The following VPS26B variants were observed in gnomAD, a reference collection of about 807,000 sequenced individuals.
The protein encoded by VPS26B is VPS26 retromer complex component B.
In VPS26B, 10 loss-of-function variants were observed where a neutral mutation model predicts 33.3. The ratio of observed to expected loss-of-function variants is 0.30; its 90% CI spans 0.19 to 0.51. The LOEUF (loss-of-function observed/expected upper bound fraction) is 0.51, where lower values mean the gene tolerates loss of function less well. Among genes scored for constraint, VPS26B ranks in the 20% least tolerant of loss-of-function variants. The probability of loss-of-function intolerance (pLI) is 0.98; values close to 1 mark genes in which losing one functional copy is unlikely to be tolerated. For missense variants in VPS26B, 317 were observed against 452.7 expected, an observed-to-expected ratio of 0.70 and a Z score of 2.72; for synonymous variants, 190 against 176.9, an observed-to-expected ratio of 1.07 and a Z score of -0.59.
At chr11:134,225,597 G>A (rs118093144) in intron 1 of VPS26B, 173 of 520,712 alleles carry the variant, frequency 3.3e-4, no homozygotes, top group Non-Finnish European at 5.0e-4. Flanking sequence ...GCTGTGCCTC[G>A]TGGGATGGGC....
intron 3 of VPS26B, among the ~76,000 whole-genome samples, chr11:134,242,205 T>C (rs1938737213): frequency 6.6e-6 from 1 of 152,186 alleles, no homozygotes; most frequent in Non-Finnish European, 1.5e-5. Context: ...TTGCTGAGGC[T>C]GTTTGCTCAG....
rs146174016 is a variant in VPS26B, at chr11:134,226,282, G to T, written c.223+937G>T. Among the ~76,000 whole-genome samples, 658 of 152,156 alleles carry T rather than the reference G, an allele frequency of 4.3e-3. 4 individuals are homozygous for T. The highest frequency in any genetic ancestry group is 0.015 in the African/African-American group (631 of 41,504). On this transcript the variant is annotated intron_variant, in intron 1 of 5. Coordinates refer to ENST00000281187, the MANE Select transcript of VPS26B (RefSeq NM_052875.5). ...TTAGCTGGTCGTGGTGGTGCTTGCC[G>T]GTAGTCCTAGCTCCTCGGGGGGCTA...
rs575706847 is a variant in VPS26B, at chr11:134,238,645, G to A, written c.381-1346G>A. Among the ~76,000 whole-genome samples the A allele has an allele frequency of 3.9e-5, 6 of 152,290 alleles. No individual in the cohort carries two copies. In the South Asian group the frequency reaches 1.2e-3, roughly 32 times the overall value. On this transcript the variant is annotated intron_variant, in intron 2 of 5. Transcript: ENST00000281187. ...GAGTCTCGCTCTGTTGCCCAGGCTG[G>A]AGTGCAGTGGCTTGATCTCGGCTCA...
rs1027683000 is a variant in VPS26B at position 134,233,638 on chromosome 11, T to C, written c.224-1259T>C. On this transcript the variant is annotated intron_variant, in intron 1 of 5. Coordinates refer to ENST00000281187, the MANE Select transcript of VPS26B (RefSeq NM_052875.5). ...TTCTTGGGAGGCTGAGGCAGAAGAATTGCTTGAACCCAGGAGGCGGAGGTT... is the reference window on the plus strand; with the variant it reads ...TTCTTGGGAGGCTGAGGCAGAAGAACTGCTTGAACCCAGGAGGCGGAGGTT... Among the ~76,000 whole-genome samples the C allele has an allele frequency of 4.6e-5, 7 of 152,148 alleles. No homozygotes were observed. In the South Asian group the frequency reaches 8.3e-4, roughly 18 times the overall value.
intron 1 of VPS26B, among the ~76,000 whole-genome samples, chr11:134,230,964 C>G (rs531083385): frequency 1.3e-5 from 2 of 152,182 alleles, no homozygotes. Flanking sequence ...GGTCTAAGAC[C>G]TAGTCATCCT....
Position 134,243,219 on chromosome 11 carries a change from G to A in VPS26B, c.646G>A (p.Gly216Ser). Residue 216 changes from glycine to serine, a missense_variant, in exon 4 of 6, where the codon GGT becomes AGT. By Grantham distance (56) the Gly-to-Ser change is moderately conservative (BLOSUM62 0). Transcript: ENST00000281187. ...AGACATCATCAAGCGAGAAACGACG[G>A]GTACAGGCCCCAACGTGTACCATGA... ...EIDIIKRETTGTGPNVYHEND... is the reference protein window; with the variant it reads ...EIDIIKRETTSTGPNVYHEND... 6.2e-7 allele frequency: 1 copy of A among 1,614,112 alleles called. No individual in the cohort carries two copies. The highest frequency in any genetic ancestry group is 8.5e-7 in the Non-Finnish European group (1 of 1,180,022).
intron 1 of VPS26B, among the ~76,000 whole-genome samples, chr11:134,233,789 G>A (rs773546906): frequency 7.2e-5 from 11 of 152,186 alleles, no homozygotes; most frequent in Non-Finnish European, 1.5e-4. Context: ...GGGAGCTGGG[G>A]ATGTGGGCCT....
At chr11:134,239,676 A>G in intron 2 of VPS26B, 1 of 373,266 alleles carries the variant, frequency 2.7e-6, no homozygotes, top group East Asian at 5.8e-5. Context: ...CAAGAATAAC[A>G]TGTGATTGGG....
rs955350655 is a variant in VPS26B at position 134,225,497 on chromosome 11, G to T, written c.223+152G>T. The T allele has an allele frequency of 1.0e-5, 8 of 769,430 alleles. No homozygotes were observed. The Admixed American group carries it at 1.1e-4, about 11-fold the overall frequency. The allele number at this position is 769,430 out of a possible 1,614,324, so 47.7% of individuals were successfully genotyped here. On this transcript the variant is annotated intron_variant, in intron 1 of 5. Transcript: ENST00000281187. ...GTTCAGCTACAAGTCCCGCCCGTGG[G>T]CGACTCCCCCTGCGTTACTGTCCTC... is the stretch of plus-strand genomic sequence containing the variant.
In VPS26B at chr11:134,234,894, C is replaced by T. The variant is rs779277862; in HGVS notation, c.224-3C>T. 6.2e-7 allele frequency: 1 copy of T among 1,613,710 alleles called. No homozygotes were observed. The highest frequency in any genetic ancestry group is 2.2e-5 in the East Asian group (1 of 44,858). On this transcript the variant is annotated splice_region_variant and splice_polypyrimidine_tract_variant and intron_variant, in intron 1 of 5. Coordinates refer to ENST00000281187, the MANE Select transcript of VPS26B (RefSeq NM_052875.5). Reference sequence around the variant, plus strand: ...AGGGCGTCGCATCGCTGTCTCTCACCAGAACTCTACTACGATCGCGGGAAC... The same window carrying T: ...AGGGCGTCGCATCGCTGTCTCTCACTAGAACTCTACTACGATCGCGGGAAC...
At chr11:134,230,290 T>C (rs1030365711) in intron 1 of VPS26B, among the ~76,000 whole-genome samples, 1 of 152,266 alleles carries the variant, frequency 6.6e-6, no homozygotes, top group African/African-American at 2.4e-5. Flanking sequence ...TAAATATTTG[T>C]TGAATGGATA....
intron 3 of VPS26B, among the ~76,000 whole-genome samples, chr11:134,241,500 C>A (rs528753076): frequency 1.4e-4 from 22 of 152,170 alleles, no homozygotes; most frequent in Non-Finnish European, 2.2e-4. Flanking sequence ...CTGATCTGGG[C>A]CTGGCATGGG....
intron 2 of VPS26B, among the ~76,000 whole-genome samples, chr11:134,239,246 TA>T (rs1025500402): frequency 1.3e-5 from 2 of 152,172 alleles, no homozygotes; most frequent in Non-Finnish European, 2.9e-5. Context: ...CTGTGGCATA[TA>T]AGGTTTGCTC....
chr11:134,225,355 C>A lies in VPS26B; in HGVS notation c.223+10C>A. 1.2e-6 allele frequency: 2 copies of A among 1,612,672 alleles called. No individual in the cohort carries two copies. Among genetic ancestry groups the A allele is most frequent in the Non-Finnish European group, 1.7e-6 (2 of 1,179,422 alleles). ...TTCATCGGGCAGATCGGTGAGTCGACCCCCGGGACCCCCTCCCCCAGCGCC... is the reference window on the plus strand; with the variant it reads ...TTCATCGGGCAGATCGGTGAGTCGAACCCCGGGACCCCCTCCCCCAGCGCC... On this transcript the variant is annotated intron_variant, in intron 1 of 5. Transcript: ENST00000281187.
intron 1 of VPS26B, among the ~76,000 whole-genome samples, chr11:134,234,140 G>A (rs1422902339): frequency 1.3e-5 from 2 of 152,118 alleles, no homozygotes; most frequent in African/African-American, 4.8e-5. Context: ...ACTAAAGTTC[G>A]ACACCCCCTG....
chr11:134,235,840 T>G (rs1281159256), intron 2 of VPS26B: 2 of 152,200 alleles, frequency 1.3e-5, no homozygotes, highest in African/African-American at 4.8e-5. Context: ...GACTGTTAGG[T>G]GTAAACTTGA....
Position 134,244,227 on chromosome 11 carries a change from G to A in VPS26B, c.722-711G>A, listed in dbSNP as rs1386794397. ...GGTCACTGAGAATGCATGTAAAAGA[G>A]CAGATAATGATAAGATGGCTTATAT... On this transcript the variant is annotated intron_variant, in intron 4 of 5. Transcript: ENST00000281187. This position sits in a 1 kb window ranked among gnomAD's most constrained non-coding sequence, Gnocchi z 4.0. 6.6e-6 allele frequency: 1 copy of A among 152,220 alleles called. No homozygotes were observed. The highest frequency in any genetic ancestry group is 2.4e-5 in the African/African-American group (1 of 41,444). The allele number at this position is 152,220 out of a possible 1,614,324, so 9.4% of individuals were successfully genotyped here.
At position 134,245,660 on chromosome 11, in the gene VPS26B, CG is replaced by C; in HGVS notation, c.*75del. 3 of 1,502,788 alleles carry C rather than the reference CG, an allele frequency of 2.0e-6. No individual in the cohort carries two copies. Among genetic ancestry groups the C allele is most frequent in the Non-Finnish European group, 8.9e-7 (1 of 1,121,938 alleles). The allele number at this position is 1,502,788 out of a possible 1,614,324, so 93.1% of individuals were successfully genotyped here. ...ATCTACCAACACCAGCGGCTGGGGG[CG>C]GGGGCGGACCTTGTGAGGCTCAGTT... is the stretch of plus-strand genomic sequence containing the variant. On this transcript the variant is annotated 3_prime_UTR_variant, in exon 6 of 6. Coordinates refer to ENST00000281187, the MANE Select transcript of VPS26B (RefSeq NM_052875.5). This position sits in a 1 kb window ranked among gnomAD's most constrained non-coding sequence, Gnocchi z 4.7.
chr11:134,245,610 T>C lies in VPS26B; in HGVS notation c.*20T>C. On this transcript the variant is annotated 3_prime_UTR_variant, in exon 6 of 6. Coordinates refer to ENST00000281187, the MANE Select transcript of VPS26B (RefSeq NM_052875.5). The surrounding 1 kb of genome is among the most constrained non-coding windows in gnomAD (Gnocchi z 4.7). ...CAGTAGGCCCCCAGGGCCGAGAAGA[T>C]GCTGGGCACCCACCCAGCACCCCCA... The C allele has an allele frequency of 6.3e-7, 1 of 1,592,672 alleles. No individual in the cohort carries two copies. Among genetic ancestry groups the C allele is most frequent in the Non-Finnish European group, 8.5e-7 (1 of 1,171,268 alleles).
Sources: allele counts gnomAD v4.1 joint callset (sites outside exome capture counted in the v4.1 genomes callset), GRCh38; gene constraint gnomAD v4.1.1; non-coding constraint Gnocchi (gnomAD v3.1); transcripts MANE v1.5; gene names NCBI Gene and HGNC (gene_info 2026-07-23, HGNC 2026-07-21).